EPB41L4A: variants seen among roughly 807,000 people sequenced by gnomAD.
The protein encoded by EPB41L4A is erythrocyte membrane protein band 4.1 like 4A.
A neutral mutation model predicts 108.6 loss-of-function variants in EPB41L4A; 100 were observed. The observed-to-expected ratio is 0.92, with a 90% CI of 0.78 to 1.09. The LOEUF (loss-of-function observed/expected upper bound fraction) is 1.09, where lower values mean the gene tolerates loss of function less well. Among genes scored for constraint, EPB41L4A ranks in the 50% least tolerant of loss-of-function variants. The pLI is 0.00. For synonymous variants in EPB41L4A, 319 were observed against 289.0 expected (o/e 1.10, Z -1.05); for missense variants, 1,030 against 842.7 (o/e 1.22, Z -2.75).
At chr5:112,173,299 G>T (rs1253677095) in intron 18 of EPB41L4A, among the ~76,000 whole-genome samples, 1 of 152,060 alleles carries the variant, frequency 6.6e-6, no homozygotes, top group African/African-American at 2.4e-5. Context: ...ATGCTTTCAG[G>T]GTGGACACGG....
chr5:112,385,967 T>C lies in EPB41L4A; in HGVS notation c.99+32974A>G, dbSNP rs1463883358. ...TGTTTCAGAAATAGTTGTGAGCTCA[T>C]TGTTAGCCAAATAATTAAATTTTTA... On this transcript the variant is annotated intron_variant, in intron 1 of 22. Transcript: ENST00000261486. Among the ~76,000 whole-genome samples the C allele has an allele frequency of 1.2e-4, 19 of 152,242 alleles. 1 individual carries two copies. The highest frequency in any genetic ancestry group is 7.2e-4 in the Admixed American group (11 of 15,290).
At chr5:112,246,136 C>T (rs1381322453) in intron 9 of EPB41L4A, among the ~76,000 whole-genome samples, 2 of 152,102 alleles carry the variant, frequency 1.3e-5, no homozygotes, top group Non-Finnish European at 2.9e-5. Flanking sequence ...GAGGGAAAGC[C>T]CAGGCTTTTG....
At chr5:112,328,362 A>G (rs1756325292) in intron 1 of EPB41L4A, among the ~76,000 whole-genome samples, 1 of 137,532 alleles carries the variant, frequency 7.3e-6, no homozygotes, top group Non-Finnish European at 1.5e-5. Flanking sequence ...AAATAATTCT[A>G]GTTGCACTTG....
At chr5:112,143,141 C>T (rs184075866) in exon 14 of EPB41L4A, 2 of 152,286 alleles carry the variant, frequency 1.3e-5, no homozygotes, top group East Asian at 1.9e-4. Flanking sequence ...CGTTAGCAAG[C>T]CCATTTATGA....
intron 1 of EPB41L4A, among the ~76,000 whole-genome samples, chr5:112,399,630 G>C (rs552672816): frequency 3.3e-5 from 5 of 152,184 alleles, no homozygotes; most frequent in African/African-American, 1.2e-4. Context: ...CCTCCCTAAA[G>C]CTCTAATCCA....
intron 1 of EPB41L4A, among the ~76,000 whole-genome samples, chr5:112,415,856 A>G (rs1762684109): frequency 6.6e-6 from 1 of 152,172 alleles, no homozygotes; most frequent in South Asian, 2.1e-4. Flanking sequence ...TCAAACTGTG[A>G]ACTGCATGAA....
intron 1 of EPB41L4A, among the ~76,000 whole-genome samples, chr5:112,345,870 ATACTAC>A (rs1268529114): frequency 6.6e-6 from 1 of 151,942 alleles, no homozygotes; most frequent in Non-Finnish European, 1.5e-5. Context: ...TTTTCTTGTT[ATACTAC>A]TACATTTTCC....
At chr5:112,151,642 A>G (rs2112806164) in intron 12 of EPB41L4A, among the ~76,000 whole-genome samples, 1 of 152,040 alleles carries the variant, frequency 6.6e-6, no homozygotes, top group South Asian at 2.1e-4. Context: ...TCTTGAGCTC[A>G]GGCGATCCAC....
chr5:112,307,049 T>C (rs1754735620), intron 2 of EPB41L4A, among the ~76,000 whole-genome samples: 1 of 152,098 alleles, frequency 6.6e-6, no homozygotes, highest in African/African-American at 2.4e-5. Flanking sequence ...CTCAAGAGAC[T>C]AGCCACTTGC....
chr5:112,396,845 G>C (rs1446372208), intron 1 of EPB41L4A, among the ~76,000 whole-genome samples: 2 of 152,222 alleles, frequency 1.3e-5, no homozygotes, highest in African/African-American at 2.4e-5. Flanking sequence ...TTTACCTTCT[G>C]AAAGGAGAAG....
At chr5:112,166,359 G>GT (rs1221669008) in intron 22 of EPB41L4A, among the ~76,000 whole-genome samples, 1 of 152,204 alleles carries the variant, frequency 6.6e-6, no homozygotes, top group Non-Finnish European at 1.5e-5. Flanking sequence ...GAATAAAACA[G>GT]TAAGATCCAA....
chr5:112,375,393 A>G (rs1759756384), intron 1 of EPB41L4A, among the ~76,000 whole-genome samples: 1 of 152,036 alleles, frequency 6.6e-6, no homozygotes, highest in East Asian at 1.9e-4. Flanking sequence ...TACCTAAAAC[A>G]GAAAGTTTAC....
At chr5:112,225,406 TG>T (rs971261145) in intron 12 of EPB41L4A, among the ~76,000 whole-genome samples, 3 of 152,236 alleles carry the variant, frequency 2.0e-5, no homozygotes, top group Non-Finnish European at 2.9e-5. Context: ...GCTCTTTCTC[TG>T]TAAATCACAA....
chr5:112,195,050 T>C (rs915393991), intron 16 of EPB41L4A, among the ~76,000 whole-genome samples: 16 of 152,180 alleles, frequency 1.1e-4, no homozygotes, highest in African/African-American at 3.4e-4. Flanking sequence ...CCTCTGAATT[T>C]ACACTGGTCT....
chr5:112,370,223 G>A (rs1759402672), intron 1 of EPB41L4A, among the ~76,000 whole-genome samples: 1 of 144,420 alleles, frequency 6.9e-6, no homozygotes, highest in African/African-American at 2.6e-5. Flanking sequence ...ATTTTGTAAA[G>A]ACAGGGTCTT....
At chr5:112,178,210 G>GA (rs1488852718) in intron 18 of EPB41L4A, among the ~76,000 whole-genome samples, 1 of 152,132 alleles carries the variant, frequency 6.6e-6, no homozygotes, top group African/African-American at 2.4e-5. Context: ...AGTGGACACA[G>GA]AGAAAGTATT....
intron 20 of EPB41L4A, 29 bp downstream of exon 20, chr5:112,170,272 T>G (rs747291105): frequency 1.2e-6 from 2 of 1,602,402 alleles, no homozygotes; most frequent in Non-Finnish European, 1.7e-6. Flanking sequence ...TAATAAAGCT[T>G]TGGTGAGAAG....
At chr5:112,195,329 G>C (rs184018302) in intron 16 of EPB41L4A, among the ~76,000 whole-genome samples, 1 of 152,008 alleles carries the variant, frequency 6.6e-6, no homozygotes, top group East Asian at 1.9e-4. Context: ...ATGAAATCGT[G>C]AACAAGACGA....
chr5:112,170,876 G>A, intron 19 of EPB41L4A, 69 bp downstream of exon 19: 1 of 1,391,410 alleles, frequency 7.2e-7, no homozygotes. Context: ...TCAGTATCAG[G>A]AGTCTTCCTT....
Sources: allele counts gnomAD v4.1 joint callset (sites outside exome capture counted in the v4.1 genomes callset), GRCh38; gene constraint gnomAD v4.1.1; transcripts MANE v1.5; gene names NCBI Gene and HGNC (gene_info 2026-07-23, HGNC 2026-07-21).